Variants in DOK6 observed in about 807,000 individuals in gnomAD.
DOK6 encodes the protein docking protein 6.
DOK6 carries 22 observed loss-of-function variants against 44.0 expected under a neutral mutation model. That is an observed-to-expected ratio of 0.50 (90% CI 0.36 to 0.71). The LOEUF is 0.71. Ranked by LOEUF, DOK6 falls within the 30% of genes least tolerant of loss-of-function variation. The pLI is 0.00. For synonymous variants in DOK6, 166 were observed against 145.5 expected (o/e 1.14, Z -1.01); for missense variants, 340 against 416.4 (o/e 0.82, Z 1.60).
At chr18:69,405,263 G>A (rs1916181259) in intron 1 of DOK6, among the ~76,000 whole-genome samples, 1 of 151,996 alleles carries the variant, frequency 6.6e-6, no homozygotes, top group Non-Finnish European at 1.5e-5. Context: ...GCTTTCCTCG[G>A]AGTATTTGTT....
chr18:69,511,936 G>A (rs1364264519), intron 1 of DOK6, among the ~76,000 whole-genome samples: 1 of 152,146 alleles, frequency 6.6e-6, no homozygotes, highest in African/African-American at 2.4e-5. Context: ...GGGTTGGTAA[G>A]TATGAATGTG....
intron 3 of DOK6, among the ~76,000 whole-genome samples, chr18:69,612,453 G>T (rs1984175570): frequency 1.4e-5 from 2 of 146,392 alleles, no homozygotes; most frequent in African/African-American, 5.1e-5. Flanking sequence ...GCGCATGTGT[G>T]CGAGCGTGCA....
intron 5 of DOK6, among the ~76,000 whole-genome samples, chr18:69,721,103 C>T (rs751625578): frequency 6.6e-6 from 1 of 152,136 alleles, no homozygotes; most frequent in African/African-American, 2.4e-5. Context: ...TAGCTATCCT[C>T]ACATACCCAT....
chr18:69,523,178 A>G (rs1001697144), intron 1 of DOK6, among the ~76,000 whole-genome samples: 2 of 152,090 alleles, frequency 1.3e-5, no homozygotes, highest in Admixed American at 1.3e-4. Flanking sequence ...TTATCCAGGA[A>G]AGCCATATTT....
chr18:69,811,338 A>C (rs963632095), intron 7 of DOK6, among the ~76,000 whole-genome samples: 2 of 151,862 alleles, frequency 1.3e-5, no homozygotes, highest in African/African-American at 4.8e-5. Flanking sequence ...GTTGGTCAAA[A>C]GACACAAAAT....
intron 7 of DOK6, among the ~76,000 whole-genome samples, chr18:69,794,756 C>A (rs1247225005): frequency 2.6e-5 from 4 of 152,176 alleles, no homozygotes; most frequent in Admixed American, 1.3e-4. Flanking sequence ...CCATCACTCA[C>A]ATTCCTACCT....
At chr18:69,553,862 G>C (rs1982624757) in intron 1 of DOK6, among the ~76,000 whole-genome samples, 1 of 152,132 alleles carries the variant, frequency 6.6e-6, no homozygotes, top group Non-Finnish European at 1.5e-5. Flanking sequence ...TTAACCAAAA[G>C]CTGTTTGATG....
At chr18:69,817,852 C>G (rs1242455857) in intron 7 of DOK6, among the ~76,000 whole-genome samples, 1 of 152,180 alleles carries the variant, frequency 6.6e-6, no homozygotes, top group Non-Finnish European at 1.5e-5. Flanking sequence ...CAGTTCACCA[C>G]CAGCTGCAAC....
At chr18:69,703,799 C>T (rs1401368826) in intron 5 of DOK6, among the ~76,000 whole-genome samples, 1 of 152,172 alleles carries the variant, frequency 6.6e-6, no homozygotes, top group Non-Finnish European at 1.5e-5. Flanking sequence ...TATGTTGAAA[C>T]CCTAAACCCC....
intron 5 of DOK6, among the ~76,000 whole-genome samples, chr18:69,700,216 C>CATATATATATATATATATATAT (rs61078235): frequency 0.022 from 2,738 of 124,298 alleles, 129 homozygotes; most frequent in East Asian, 0.048. Context: ...CATATATATA[C>CATATATATATATATATATATAT]ATATATATAT....
chr18:69,758,479 AT>A (rs10570084), intron 7 of DOK6, among the ~76,000 whole-genome samples: 8,243 of 151,120 alleles, frequency 0.055, 256 homozygotes, highest in Middle Eastern at 0.1. Context: ...TAGCTAGCAG[AT>A]TTTTTTTTTT....
At chr18:69,530,807 C>G (rs1178976706) in intron 1 of DOK6, among the ~76,000 whole-genome samples, 2 of 151,984 alleles carry the variant, frequency 1.3e-5, no homozygotes, top group Non-Finnish European at 2.9e-5. Flanking sequence ...GAGTTCAATT[C>G]CTGGATATTT....
chr18:69,704,491 T>TTC (rs1380555273), intron 5 of DOK6, among the ~76,000 whole-genome samples: 3 of 148,284 alleles, frequency 2.0e-5, no homozygotes, highest in Non-Finnish European at 4.5e-5. Context: ...TTTTTTTTTT[T>TTC]TTTTGGAGAC....
Position 69,846,954 on chromosome 18 carries a change from A to G in DOK6, c.*5571A>G, listed in dbSNP as rs545328635. On this transcript the variant is annotated 3_prime_UTR_variant, in exon 8 of 8. Coordinates refer to ENST00000382713, the MANE Select transcript of DOK6 (RefSeq NM_152721.6). Reference sequence around the variant, plus strand: ...ATGATTTAAATTAACTGAAGTTTAAATAAGAAATATGTTAAAATTACTAAA... The same window carrying G: ...ATGATTTAAATTAACTGAAGTTTAAGTAAGAAATATGTTAAAATTACTAAA... The G allele has an allele frequency of 1.3e-5, 2 of 152,310 alleles. No homozygotes were observed. The highest frequency in any genetic ancestry group is 3.9e-4 in the East Asian group (2 of 5,182). 9.4% of individuals were successfully genotyped at this position (152,310 alleles called of 1,614,324 possible).
intron 1 of DOK6, among the ~76,000 whole-genome samples, chr18:69,498,131 G>A (rs540184540): frequency 6.6e-6 from 1 of 152,168 alleles, no homozygotes; most frequent in South Asian, 2.1e-4. Flanking sequence ...ATCTTACTAT[G>A]TGCATAGGAG....
At chr18:69,667,324 A>C (rs2144677007) in intron 3 of DOK6, among the ~76,000 whole-genome samples, 1 of 152,182 alleles carries the variant, frequency 6.6e-6, no homozygotes, top group East Asian at 1.9e-4. Context: ...AAAATAAATA[A>C]CTTCTAGATT....
intron 4 of DOK6, among the ~76,000 whole-genome samples, chr18:69,691,204 T>C (rs1986257646): frequency 6.7e-6 from 1 of 149,866 alleles, no homozygotes; most frequent in African/African-American, 2.5e-5. Context: ...AATAAATAAA[T>C]AAATAAATAA....
At chr18:69,594,000 G>A (rs888012290) in intron 2 of DOK6, among the ~76,000 whole-genome samples, 1 of 151,986 alleles carries the variant, frequency 6.6e-6, no homozygotes, top group Non-Finnish European at 1.5e-5. Context: ...TTATTTTGTT[G>A]TAATAAAATT....
intron 7 of DOK6, among the ~76,000 whole-genome samples, chr18:69,796,464 T>A (rs1254974507): frequency 6.6e-6 from 1 of 152,152 alleles, no homozygotes; most frequent in Non-Finnish European, 1.5e-5. Context: ...TTGCCAGCCT[T>A]CTAAGAACAT....
Sources: allele counts gnomAD v4.1 joint callset (sites outside exome capture counted in the v4.1 genomes callset), GRCh38; gene constraint gnomAD v4.1.1; transcripts MANE v1.5; gene names NCBI Gene and HGNC (gene_info 2026-07-23, HGNC 2026-07-21).